Variants in CDKN2AIPNL observed in about 807,000 individuals in gnomAD.
CDKN2AIPNL encodes the protein CDKN2AIP N-terminal-like protein.
CDKN2AIPNL carries 9 observed loss-of-function variants against 12.9 expected under a neutral mutation model. The observed-to-expected ratio is 0.70, with a 90% CI of 0.42 to 1.22. The LOEUF (loss-of-function observed/expected upper bound fraction) is 1.22. Among genes scored for constraint, CDKN2AIPNL ranks in the 50% most tolerant of loss-of-function variants. The pLI is 0.00. For synonymous variants in CDKN2AIPNL, 53 were observed against 61.7 expected, an observed-to-expected ratio of 0.86 and a Z score of 0.66; for missense variants, 143 against 153.6, an observed-to-expected ratio of 0.93 and a Z score of 0.37.
chr5:134,403,846 G>A (rs1217894681), intron 2 of CDKN2AIPNL, among the ~76,000 whole-genome samples: 2 of 152,178 alleles, frequency 1.3e-5, no homozygotes, highest in Non-Finnish European at 2.9e-5. Flanking sequence ...GGCTGGTCTT[G>A]AACTCATGAC....
chr5:134,408,936 A>T (rs1378953108), intron 2 of CDKN2AIPNL, among the ~76,000 whole-genome samples: 1 of 152,178 alleles, frequency 6.6e-6, no homozygotes, highest in Non-Finnish European at 1.5e-5. Flanking sequence ...TGAGAATCTG[A>T]TTAGTTCCTT....
At chr5:134,410,874 C>A in intron 1 of CDKN2AIPNL, 1 of 599,940 alleles carries the variant, frequency 1.7e-6, no homozygotes, top group Non-Finnish European at 3.0e-6. Context: ...AAAATCGAAG[C>A]TCTCTAATAG....
chr5:134,403,074 T>C (rs1467146115), intron 2 of CDKN2AIPNL, 148 bp from the exon 3 acceptor site: 5 of 587,852 alleles, frequency 8.5e-6, no homozygotes, highest in Non-Finnish European at 1.3e-5. Flanking sequence ...TTTTACAACA[T>C]ACAGAAAATT....
intron 2 of CDKN2AIPNL, among the ~76,000 whole-genome samples, chr5:134,404,018 A>G (rs1759066767): frequency 6.6e-6 from 1 of 152,224 alleles, no homozygotes; most frequent in Non-Finnish European, 1.5e-5. Flanking sequence ...GTATTACCTA[A>G]AGAAACCATC....
chr5:134,404,717 C>G (rs1759075974), intron 2 of CDKN2AIPNL, among the ~76,000 whole-genome samples: 1 of 152,016 alleles, frequency 6.6e-6, no homozygotes, highest in Non-Finnish European at 1.5e-5. Flanking sequence ...TCTAGTACCT[C>G]AGAGCTTGCC....
At position 134,409,936 on chromosome 5, in the gene CDKN2AIPNL, T is replaced by C. The variant is rs1759164985; in HGVS notation, c.306A>G (p.Pro102=). ...MADGIEVEDL[P]QFTTRSELMK... ...TTAATTCACTTCTGGTAGTAAATTG[T>C]GGCAGGTCTTCCACTTCAATCCCAT... The change falls in exon 2 of 3, where the codon CCA becomes CCG. Residue 102 remains proline, a synonymous_variant. Coordinates refer to ENST00000458198, the MANE Select transcript of CDKN2AIPNL (RefSeq NM_080656.3). The C allele has an allele frequency of 6.2e-7, 1 of 1,611,980 alleles. No homozygotes were observed. Among genetic ancestry groups the C allele is most frequent in the African/African-American group, 1.3e-5 (1 of 74,880 alleles).
intron 2 of CDKN2AIPNL, among the ~76,000 whole-genome samples, chr5:134,407,780 A>G (rs1759128053): frequency 6.6e-6 from 1 of 151,664 alleles, no homozygotes; most frequent in Non-Finnish European, 1.5e-5. Flanking sequence ...AAAAAAAAAA[A>G]AAAGGAAAAT....
rs1389659296 is a variant in CDKN2AIPNL at position 134,402,893 on chromosome 5, A to C, written c.*22T>G. The C allele has an allele frequency of 1.4e-5, 23 of 1,607,970 alleles. No homozygotes were observed. The Admixed American group carries it at 3.8e-4, about 27-fold the overall frequency. On this transcript the variant is annotated 3_prime_UTR_variant, in exon 3 of 3. Transcript: ENST00000458198. ...CTTTCTAATCCTGTAGCTGATGATG[A>C]AAATGTGATAAATCTTCTGGCTTAG...
intron 2 of CDKN2AIPNL, among the ~76,000 whole-genome samples, chr5:134,408,513 C>CAAAAAAAAAAAAAAAAAA: frequency 8.9e-6 from 1 of 112,694 alleles, no homozygotes; most frequent in Non-Finnish European, 1.8e-5. Context: ...ACTAAAAATA[C>CAAAAAAAAAAAAAAAAAA]AAAAAAAAAA....
rs752733114 is a variant in CDKN2AIPNL, at chr5:134,411,609, T to C, written c.239+7A>G. On this transcript the variant is annotated splice_region_variant and intron_variant, in intron 1 of 2. Transcript: ENST00000458198. ...GACAGGATCAGCCGGCCGGCAGGGG[T>C]CCGCACCTGCAGCCTAGGAAGAGAT... The C allele has an allele frequency of 5.0e-6, 8 of 1,607,960 alleles. No individual in the cohort carries two copies. The highest frequency in any genetic ancestry group is 3.3e-4 in the Middle Eastern group (2 of 5,980).
chr5:134,411,353 C>G (rs1171422125), intron 1 of CDKN2AIPNL, among the ~76,000 whole-genome samples: 3 of 152,194 alleles, frequency 2.0e-5, no homozygotes, highest in Admixed American at 2.0e-4. Context: ...CCTTTGAACC[C>G]GCCATGTATT....
At chr5:134,410,622 TTC>T (rs1347097513) in intron 1 of CDKN2AIPNL, 6 of 186,036 alleles carry the variant, frequency 3.2e-5, no homozygotes, top group African/African-American at 1.2e-4. Context: ...ATTTCCCCAA[TTC>T]TCTGACATTT....
chr5:134,407,641 G>A (rs1759124686), intron 2 of CDKN2AIPNL, among the ~76,000 whole-genome samples: 1 of 152,040 alleles, frequency 6.6e-6, no homozygotes, highest in African/African-American at 2.4e-5. Flanking sequence ...CGCGCGTGGT[G>A]GCAGGCGCCT....
Position 134,402,871 on chromosome 5 carries a change from T to C in CDKN2AIPNL, c.*44A>G. The stretch of plus-strand genomic sequence containing the variant: ...ATGTCACATTCATCCCAGCCTCCTT[T>C]CTAATCCTGTAGCTGATGATGAAAA... On this transcript the variant is annotated 3_prime_UTR_variant, in exon 3 of 3. Transcript: ENST00000458198. 6.3e-7 allele frequency: 1 copy of C among 1,594,446 alleles called. No individual in the cohort carries two copies. The highest frequency in any genetic ancestry group is 8.6e-7 in the Non-Finnish European group (1 of 1,167,096).
chr5:134,411,035 G>C, intron 1 of CDKN2AIPNL: 1 of 702,514 alleles, frequency 1.4e-6, no homozygotes. Context: ...ATTTTCATAA[G>C]AGGGAAAGCA....
chr5:134,404,342 G>T (rs574467829), intron 2 of CDKN2AIPNL, among the ~76,000 whole-genome samples: 1 of 152,058 alleles, frequency 6.6e-6, no homozygotes, highest in East Asian at 1.9e-4. Flanking sequence ...TTTAACTTTG[G>T]AGACAGGGTC....
At chr5:134,407,574 GAAC>G (rs1390618441) in intron 2 of CDKN2AIPNL, among the ~76,000 whole-genome samples, 1 of 151,936 alleles carries the variant, frequency 6.6e-6, no homozygotes, top group African/African-American at 2.4e-5. Flanking sequence ...AGGAGTTCGA[GAAC>G]AACTTGGCCA....
intron 2 of CDKN2AIPNL, among the ~76,000 whole-genome samples, chr5:134,407,256 A>AACACACACACACACACACACACACACAC (rs5871539): frequency 7.2e-6 from 1 of 139,610 alleles, no homozygotes; most frequent in African/African-American, 2.7e-5. Context: ...GACCCTTCCT[A>AACACACACACACACACACACACACACAC]ACACACACAC....
Position 134,411,598 on chromosome 5 carries a change from G to A in CDKN2AIPNL, c.239+18C>T, listed in dbSNP as rs1759192231. The A allele has an allele frequency of 2.5e-6, 4 of 1,602,610 alleles. No homozygotes were observed. The highest frequency in any genetic ancestry group is 3.4e-6 in the Non-Finnish European group (4 of 1,171,992). On this transcript the variant is annotated intron_variant, in intron 1 of 2. Transcript: ENST00000458198. ...GGAAGATAGGGGACAGGATCAGCCG[G>A]CCGGCAGGGGTCCGCACCTGCAGCC...
Sources: gnomAD v4.1 joint callset for allele counts (sites outside exome capture counted in the v4.1 genomes callset) on GRCh38, gnomAD v4.1.1 for gene constraint, MANE v1.5 for transcripts, NCBI Gene and HGNC (gene_info 2026-07-23, HGNC 2026-07-21) for gene names.